Variants in B3GALT1 observed in about 807,000 individuals in gnomAD.
The protein encoded by B3GALT1 is beta-1,3-galactosyltransferase 1.
A neutral mutation model predicts 23.2 loss-of-function variants in B3GALT1; 10 were observed. The ratio of observed to expected loss-of-function variants is 0.43; its 90% CI spans 0.27 to 0.73. The LOEUF is 0.73. B3GALT1 is among the 30% of genes least tolerant of loss of function. The pLI is 0.21. For synonymous variants in B3GALT1, 156 were observed against 141.5 expected (o/e 1.10, Z -0.73); for missense variants, 299 against 405.4 (o/e 0.74, Z 2.25).
intron 1 of B3GALT1, among the ~76,000 whole-genome samples, chr2:167,430,381 C>T (rs1052345298): frequency 6.6e-5 from 10 of 151,974 alleles, no homozygotes; most frequent in African/African-American, 2.4e-4. Flanking sequence ...CATGGGAGCC[C>T]CTGAAGAATT....
chr2:167,405,344 A>G (rs1698259698), intron 1 of B3GALT1, among the ~76,000 whole-genome samples: 1 of 152,130 alleles, frequency 6.6e-6, no homozygotes, highest in Admixed American at 6.6e-5. Flanking sequence ...AATGTGTCCA[A>G]TTTATTAAAT....
Position 167,360,970 on chromosome 2 carries a change from A to G in B3GALT1, c.-511+67636A>G, listed in dbSNP as rs1192323706. Among the ~76,000 whole-genome samples the G allele has an allele frequency of 3.9e-5, 6 of 152,256 alleles. 1 individual carries two copies. The South Asian group carries it at 1.2e-3, about 32-fold the overall frequency. Reference sequence around the variant, plus strand: ...GAACATGTGGACATTGTCTTTCTGTACCTGGCTTATTTCACTTAACGTAAT... The same window carrying G: ...GAACATGTGGACATTGTCTTTCTGTGCCTGGCTTATTTCACTTAACGTAAT... On this transcript the variant is annotated intron_variant, in intron 1 of 4. Transcript: ENST00000392690.
intron 4 of B3GALT1, among the ~76,000 whole-genome samples, chr2:167,840,016 A>G (rs1163801426): frequency 6.6e-6 from 1 of 152,220 alleles, no homozygotes; most frequent in Admixed American, 6.5e-5. Context: ...TACACCTTAT[A>G]CAAAAATCAA....
intron 1 of B3GALT1, among the ~76,000 whole-genome samples, chr2:167,423,555 A>G (rs1027861691): frequency 6.6e-6 from 1 of 152,208 alleles, no homozygotes; most frequent in African/African-American, 2.4e-5. Context: ...TGCACACAAT[A>G]CATTGTCAGG....
At chr2:167,531,236 G>A (rs1222466714) in intron 2 of B3GALT1, among the ~76,000 whole-genome samples, 1 of 152,122 alleles carries the variant, frequency 6.6e-6, no homozygotes, top group Non-Finnish European at 1.5e-5. Flanking sequence ...TCTTCTGTTT[G>A]TCTGGTGATG....
chr2:167,327,946 A>G (rs989409255), intron 1 of B3GALT1, among the ~76,000 whole-genome samples: 6 of 152,190 alleles, frequency 3.9e-5, no homozygotes, highest in Non-Finnish European at 8.8e-5. Flanking sequence ...TGTTAAATTC[A>G]TCAAATACTT....
At chr2:167,545,059 C>CGG (rs1683608817) in intron 2 of B3GALT1, among the ~76,000 whole-genome samples, 1 of 61,346 alleles carries the variant, frequency 1.6e-5, no homozygotes, top group South Asian at 6.1e-4. Context: ...TTTTTTGAGA[C>CGG]AGTCTCGCTC....
At chr2:167,839,411 G>T (rs1435310431) in intron 4 of B3GALT1, among the ~76,000 whole-genome samples, 3 of 152,256 alleles carry the variant, frequency 2.0e-5, no homozygotes, top group African/African-American at 7.2e-5. Context: ...CAAATCATGA[G>T]TGAACTTCCA....
At chr2:167,611,336 A>G (rs1189930384) in intron 2 of B3GALT1, among the ~76,000 whole-genome samples, 1 of 151,966 alleles carries the variant, frequency 6.6e-6, no homozygotes, top group Admixed American at 6.6e-5. Flanking sequence ...GCTTTTTACA[A>G]TATAATATTT....
At chr2:167,856,519 G>A (rs1000917604) in intron 4 of B3GALT1, among the ~76,000 whole-genome samples, 2 of 152,122 alleles carry the variant, frequency 1.3e-5, no homozygotes, top group African/African-American at 4.8e-5. Context: ...CTGAGGAGGT[G>A]TGAAGAGAAG....
Position 167,421,489 on chromosome 2 carries a change from A to G in B3GALT1, c.-510-68688A>G, listed in dbSNP as rs118120582. 4.8e-3 allele frequency among the ~76,000 whole-genome samples: 734 copies of G among 152,304 alleles called. 6 individuals carry two copies. The highest frequency in any genetic ancestry group is 0.018 in the East Asian group (94 of 5,188). On this transcript the variant is annotated intron_variant, in intron 1 of 4. Transcript: ENST00000392690. ...GTTGAACTTAATGTAGTTACTCTTT[A>G]TAGGTAGAGTTGTCCTCAAATCCTT...
At chr2:167,547,765 TC>T (rs796730965) in intron 2 of B3GALT1, among the ~76,000 whole-genome samples, 1 of 151,756 alleles carries the variant, frequency 6.6e-6, no homozygotes, top group East Asian at 1.9e-4. Flanking sequence ...ATCAAGGTCT[TC>T]TGACATATCT....
intron 1 of B3GALT1, among the ~76,000 whole-genome samples, chr2:167,361,220 T>A (rs1697494938): frequency 6.6e-6 from 1 of 150,742 alleles, no homozygotes; most frequent in East Asian, 1.9e-4. Context: ...TAGTTTTTTT[T>A]TTTTTTTTTT....
intron 3 of B3GALT1, chr2:167,714,457 A>G: frequency 6.3e-7 from 1 of 1,595,056 alleles, no homozygotes; most frequent in African/African-American, 1.3e-5. Context: ...AAGTTTGAGG[A>G]GAGAGAAAAG....
intron 3 of B3GALT1, among the ~76,000 whole-genome samples, chr2:167,694,975 C>T (rs952486803): frequency 3.9e-5 from 6 of 152,190 alleles, no homozygotes; most frequent in Non-Finnish European, 5.9e-5. Flanking sequence ...CCAACACCTC[C>T]TGCAGTCTGA....
At chr2:167,326,740 A>T (rs969398238) in intron 1 of B3GALT1, among the ~76,000 whole-genome samples, 50 of 151,984 alleles carry the variant, frequency 3.3e-4, no homozygotes, top group African/African-American at 1.2e-3. Context: ...CCCAGGCTGG[A>T]GTGCAATGGT....
chr2:167,599,077 G>T (rs1160025760), intron 2 of B3GALT1, among the ~76,000 whole-genome samples: 5 of 152,108 alleles, frequency 3.3e-5, no homozygotes, highest in African/African-American at 7.2e-5. Context: ...TCAGAGAGTG[G>T]TTGCTCAAGG....
At chr2:167,665,052 G>A (rs1178815060) in intron 3 of B3GALT1, among the ~76,000 whole-genome samples, 1 of 151,790 alleles carries the variant, frequency 6.6e-6, no homozygotes, top group Non-Finnish European at 1.5e-5. Flanking sequence ...GTTTTCAAAG[G>A]GAATGCTTCC....
intron 2 of B3GALT1, among the ~76,000 whole-genome samples, chr2:167,571,120 C>T (rs895739104): frequency 6.6e-6 from 1 of 151,904 alleles, no homozygotes; most frequent in African/African-American, 2.4e-5. Flanking sequence ...AAGAAATTCA[C>T]CATGGAGTGA....
Sources: gnomAD v4.1 joint callset for allele counts (sites outside exome capture counted in the v4.1 genomes callset) on GRCh38, gnomAD v4.1.1 for gene constraint, MANE v1.5 for transcripts, NCBI Gene and HGNC (gene_info 2026-07-23, HGNC 2026-07-21) for gene names.